The following XPNPEP1 variants were observed in gnomAD, a reference collection of about 807,000 sequenced individuals.
XPNPEP1 encodes the protein xaa-Pro aminopeptidase 1.
In XPNPEP1, 39 loss-of-function variants were observed where a neutral mutation model predicts 92.4. The ratio of observed to expected loss-of-function variants is 0.42; its 90% CI spans 0.33 to 0.55. XPNPEP1 has a LOEUF of 0.55. Ranked by LOEUF, XPNPEP1 falls within the 20% of genes least tolerant of loss-of-function variation. XPNPEP1 has a pLI of 0.08. For missense variants in XPNPEP1, 654 were observed against 856.1 expected, an observed-to-expected ratio of 0.76 and a Z score of 2.95; for synonymous variants, 307 against 299.4, an observed-to-expected ratio of 1.03 and a Z score of -0.26.
Position 109,907,624 on chromosome 10 carries a change from C to G in XPNPEP1, c.246+67G>C, listed in dbSNP as rs1849624217. On this transcript the variant is annotated intron_variant, in intron 3 of 20. Coordinates refer to ENST00000502935, the MANE Select transcript of XPNPEP1 (RefSeq NM_020383.4). ...TGGTTGTGGGTTGACAATTAGAATC[C>G]TACAAACACATTAGGGCTGGGGAAA... is the stretch of plus-strand genomic sequence containing the variant. 5.0e-6 allele frequency: 8 copies of G among 1,602,352 alleles called. No homozygotes were observed. In the South Asian group the frequency reaches 9.0e-5, roughly 18 times the overall value.
In XPNPEP1 at chr10:109,869,933, T is replaced by C. The variant is rs759946655; in HGVS notation, c.1773+20A>G. 6.2e-7 allele frequency: 1 copy of C among 1,613,036 alleles called. No individual in the cohort carries two copies. The highest frequency in any genetic ancestry group is 1.1e-5 in the South Asian group (1 of 90,980). ...ATTATTGCTAATAGAAACAGGAAAA[T>C]TTTTTTAATAAATCCTCACCTTGGT... On this transcript the variant is annotated intron_variant, in intron 19 of 20. Transcript: ENST00000502935.
rs541895002 is a variant in XPNPEP1 at position 109,877,580 on chromosome 10, T to C, written c.1319+210A>G. ...TACCCTGCAGAGAATGCCAGTGCCA[T>C]ACTGAGCCTAAGAAGAGGCTCCCAA... On this transcript the variant is annotated intron_variant, in intron 14 of 20. Transcript: ENST00000502935. The C allele has an allele frequency of 9.5e-5, 58 of 612,016 alleles. 1 individual carries two copies. In the South Asian group the frequency reaches 1.1e-3, roughly 12 times the overall value. 37.9% of individuals were successfully genotyped at this position (612,016 alleles called of 1,614,324 possible).
intron 4 of XPNPEP1, among the ~76,000 whole-genome samples, chr10:109,892,030 G>A (rs1466012849): frequency 2.0e-5 from 3 of 152,164 alleles, no homozygotes; most frequent in Admixed American, 1.3e-4. Context: ...TGAAAGAACA[G>A]TCCTGAGACC....
intron 15 of XPNPEP1, among the ~76,000 whole-genome samples, chr10:109,874,596 A>C (rs2133371320): frequency 6.6e-6 from 1 of 152,312 alleles, no homozygotes; most frequent in East Asian, 1.9e-4. Context: ...GAGCTCATTC[A>C]ATAATTAGGT....
chr10:109,905,278 C>T (rs913661624), intron 3 of XPNPEP1, among the ~76,000 whole-genome samples: 9 of 152,052 alleles, frequency 5.9e-5, no homozygotes, highest in Non-Finnish European at 7.4e-5. Context: ...CAATCTCGGC[C>T]GGCTCACTGT....
chr10:109,887,626 A>T (rs887132121), intron 7 of XPNPEP1, among the ~76,000 whole-genome samples: 1 of 152,208 alleles, frequency 6.6e-6, no homozygotes, highest in African/African-American at 2.4e-5. Context: ...CACACCCCAA[A>T]GCCTCTAAAG....
In XPNPEP1 at chr10:109,867,823, G is replaced by A. The variant is rs1847222261; in HGVS notation, c.1872+791C>T. Among the ~76,000 whole-genome samples the A allele has an allele frequency of 2.0e-5, 3 of 152,328 alleles. No homozygotes were observed. In the South Asian group the frequency reaches 6.2e-4, roughly 32 times the overall value. On this transcript the variant is annotated intron_variant, in intron 20 of 20. Coordinates refer to ENST00000502935, the MANE Select transcript of XPNPEP1 (RefSeq NM_020383.4). This position sits in a 1 kb window ranked among gnomAD's most constrained non-coding sequence, Gnocchi z 4.5. ...AACTTCTGACCCCTGCCTTGCTCTG[G>A]AATTTGTGTCCTCCTGGCTTCCAGC...
At chr10:109,875,100 G>A (rs1847706673) in intron 15 of XPNPEP1, among the ~76,000 whole-genome samples, 1 of 152,178 alleles carries the variant, frequency 6.6e-6, no homozygotes, top group Non-Finnish European at 1.5e-5. Flanking sequence ...GCAAAACATG[G>A]AGAAAGAAAT....
chr10:109,903,259 G>A (rs929226093), intron 3 of XPNPEP1, among the ~76,000 whole-genome samples: 1 of 152,156 alleles, frequency 6.6e-6, no homozygotes, highest in African/African-American at 2.4e-5. Flanking sequence ...ACATTAGCAG[G>A]TCGAATCTTT....
At position 109,865,229 on chromosome 10, in the gene XPNPEP1, G is replaced by C. The variant is rs371885350; in HGVS notation, c.1956C>G (p.Leu652=). The C allele has an allele frequency of 1.1e-5, 18 of 1,614,024 alleles. No homozygotes were observed. Among genetic ancestry groups the C allele is most frequent in the Middle Eastern group, 1.6e-4 (1 of 6,084 alleles). Residue 652 remains leucine, a synonymous_variant, in exon 21 of 21, where the codon CTC becomes CTG. Transcript: ENST00000502935. ...ELQKQGRQEA[L]EWLIRETQPI... Reference sequence around the variant, plus strand: ...GTTGCGTCTCTCTGATGAGCCACTCGAGAGCTTCCTGGCGGCCCTGTTTCT... The same window carrying C: ...GTTGCGTCTCTCTGATGAGCCACTCCAGAGCTTCCTGGCGGCCCTGTTTCT...
At chr10:109,912,427 G>T (rs915823693) in intron 2 of XPNPEP1, among the ~76,000 whole-genome samples, 1 of 152,252 alleles carries the variant, frequency 6.6e-6, no homozygotes, top group African/African-American at 2.4e-5. Flanking sequence ...AGCTACCACT[G>T]AAGTGAATAC....
rs148886050 is a variant in XPNPEP1 at position 109,902,147 on chromosome 10, A to C, written c.246+5544T>G. On this transcript the variant is annotated intron_variant, in intron 3 of 20. Coordinates refer to ENST00000502935, the MANE Select transcript of XPNPEP1 (RefSeq NM_020383.4). ...TATGACTGTGGCTTACCTATTATTT[A>C]ATCTCTTCAAAGGGAATCTCATTCA... Among the ~76,000 whole-genome samples, 22 of 152,328 alleles carry C rather than the reference A, an allele frequency of 1.4e-4. No homozygotes were observed. In the East Asian group the frequency reaches 3.7e-3, roughly 25 times the overall value.
At chr10:109,895,114 G>C (rs760447761) in intron 3 of XPNPEP1, among the ~76,000 whole-genome samples, 2 of 152,182 alleles carry the variant, frequency 1.3e-5, no homozygotes, top group Non-Finnish European at 2.9e-5. Flanking sequence ...CATCTAAGGG[G>C]CTGGGAAAAC....
At chr10:109,882,714 A>T in intron 9 of XPNPEP1, 72 bp from the exon 10 acceptor site, 3 of 1,507,898 alleles carry the variant, frequency 2.0e-6, no homozygotes, top group Non-Finnish European at 2.7e-6. Context: ...ACAGACACAC[A>T]TACACATCAG....
intron 2 of XPNPEP1, among the ~76,000 whole-genome samples, chr10:109,913,544 C>G (rs1463473136): frequency 6.6e-6 from 1 of 152,230 alleles, no homozygotes; most frequent in Non-Finnish European, 1.5e-5. Context: ...GTGGCTAATT[C>G]TCACAACAAT....
intron 7 of XPNPEP1, among the ~76,000 whole-genome samples, 169 bp from the exon 8 acceptor site, chr10:109,886,510 C>T (rs1047714691): frequency 6.6e-6 from 1 of 152,218 alleles, no homozygotes; most frequent in South Asian, 2.1e-4. Context: ...AGTGTCCAAG[C>T]CACTTGACTG....
intron 15 of XPNPEP1, 114 bp from the exon 16 acceptor site, chr10:109,873,541 A>C (rs1847606611): frequency 8.1e-7 from 1 of 1,237,820 alleles, no homozygotes; most frequent in Admixed American, 1.9e-5. Flanking sequence ...TGGGCATGTA[A>C]AATAGCACAG....
At chr10:109,908,505 G>A (rs542888936) in intron 2 of XPNPEP1, among the ~76,000 whole-genome samples, 96 of 152,198 alleles carry the variant, frequency 6.3e-4, no homozygotes, top group Non-Finnish European at 8.5e-4. Flanking sequence ...CGGAGGCTGA[G>A]GCAGGGGAAT....
chr10:109,910,064 A>G (rs1849779892), intron 2 of XPNPEP1, among the ~76,000 whole-genome samples: 1 of 152,246 alleles, frequency 6.6e-6, no homozygotes, highest in East Asian at 1.9e-4. Context: ...AGTATCACAC[A>G]GAGTACTTTC....
Sources: allele counts gnomAD v4.1 joint callset (sites outside exome capture counted in the v4.1 genomes callset), GRCh38; gene constraint gnomAD v4.1.1; non-coding constraint Gnocchi (gnomAD v3.1); transcripts MANE v1.5; gene names NCBI Gene and HGNC (gene_info 2026-07-23, HGNC 2026-07-21).